ACTC1: variants seen among roughly 807,000 people sequenced by gnomAD.
The protein encoded by ACTC1 is actin alpha cardiac muscle 1, also known as actin, alpha cardiac muscle 1.
In ACTC1, 10 loss-of-function variants were observed where a neutral mutation model predicts 31.6. The ratio of observed to expected loss-of-function variants is 0.32; its 90% CI spans 0.19 to 0.54. The LOEUF (loss-of-function observed/expected upper bound fraction) is 0.54. Ranked by LOEUF, ACTC1 falls within the 20% of genes least tolerant of loss-of-function variation. The pLI is 0.95. For synonymous variants in ACTC1, 196 were observed against 185.0 expected (o/e 1.06, Z -0.48); for missense variants, 129 against 506.4 (o/e 0.25, Z 7.15).
Position 34,790,230 on chromosome 15 carries a change from T to G in ACTC1, c.*182A>C. 1.3e-6 allele frequency: 1 copy of G among 790,960 alleles called. No individual in the cohort carries two copies. The highest frequency in any genetic ancestry group is 1.6e-5 in the South Asian group (1 of 61,118). The allele number at this position is 790,960 out of a possible 1,614,324, so 49.0% of individuals were successfully genotyped here. A position where few individuals can be genotyped will look rare whatever the true frequency, so the allele number is the denominator to read the frequency against. On this transcript the variant is annotated 3_prime_UTR_variant, in exon 7 of 7. Coordinates refer to ENST00000290378, the MANE Select transcript of ACTC1 (RefSeq NM_005159.5). ...CCCAAAAACAAACGAGAGGCTTTTA[T>G]AGGTTGCAAGTCCTGGTCTGGTTTA...
chr15:34,793,439 A>T lies in ACTC1; in HGVS notation c.260T>A (p.Ile87Asn). 1 of 1,614,130 alleles carries T rather than the reference A, an allele frequency of 6.2e-7. No homozygotes were observed. Among genetic ancestry groups the T allele is most frequent in the Non-Finnish European group, 8.5e-7 (1 of 1,180,020 alleles). ...IITNWDDMEK[I>N]WHHTFYNELR... ...CTCATTGTAGAAGGTGTGGTGCCAG[A>T]TCTTCTCCATGTCGTCCCAGTTGGT... is the stretch of plus-strand genomic sequence containing the variant. The change falls in exon 3 of 7, where the codon ATC becomes AAC. Residue 87 changes from isoleucine to asparagine, a missense_variant. Transcript: ENST00000290378. This position sits in a 1 kb window ranked among gnomAD's most constrained non-coding sequence, Gnocchi z 4.8.
chr15:34,791,306 G>GCC lies in ACTC1; in HGVS notation c.809-12_809-11insGG, dbSNP rs774238821. 10 of 1,430,130 alleles carry GCC rather than the reference G, an allele frequency of 7.0e-6. No homozygotes were observed. The highest frequency in any genetic ancestry group is 1.9e-4 in the Middle Eastern group (1 of 5,310). 88.6% of individuals were successfully genotyped at this position (1,430,130 alleles called of 1,614,324 possible). A position where few individuals can be genotyped will look rare whatever the true frequency, so the allele number is the denominator to read the frequency against. On this transcript the variant is annotated splice_polypyrimidine_tract_variant and intron_variant, in intron 5 of 6. Transcript: ENST00000290378. The stretch of plus-strand genomic sequence containing the variant: ...CAGCAGATTCCATACCTGGGAACGA[G>GCC]TCACACACACACACACACACACACA...
chr15:34,790,390 GT>G lies in ACTC1; in HGVS notation c.*21del. On this transcript the variant is annotated 3_prime_UTR_variant, in exon 7 of 7. Coordinates refer to ENST00000290378, the MANE Select transcript of ACTC1 (RefSeq NM_005159.5). ...ATAATACCGTCATCCTGACTGGAAG[GT>G]AGATGGAGAGAGAAGGCATCTTAGA... The G allele has an allele frequency of 6.2e-7, 1 of 1,612,852 alleles. No homozygotes were observed. The highest frequency in any genetic ancestry group is 1.1e-5 in the South Asian group (1 of 91,022).
At chr15:34,794,443 T>G (rs1445359848) in intron 2 of ACTC1, among the ~76,000 whole-genome samples, 1 of 152,210 alleles carries the variant, frequency 6.6e-6, no homozygotes, top group Non-Finnish European at 1.5e-5. Context: ...GAGAAGCAGG[T>G]GGCTTTCACA....
chr15:34,792,324 A>G lies in ACTC1; in HGVS notation c.617-43T>C. ...ATCACAGTCATGCTCTGAAGCAAGA[A>G]GTCAATTATAGGGAGGTAGGCGGAT... On this transcript the variant is annotated intron_variant, in intron 4 of 6. Coordinates refer to ENST00000290378, the MANE Select transcript of ACTC1 (RefSeq NM_005159.5). The surrounding 1 kb of genome is among the most constrained non-coding windows in gnomAD (Gnocchi z 5.3). 6.2e-7 allele frequency: 1 copy of G among 1,614,088 alleles called. No individual in the cohort carries two copies. The highest frequency in any genetic ancestry group is 8.5e-7 in the Non-Finnish European group (1 of 1,179,920).
intron 5 of ACTC1, chr15:34,791,694 T>C (rs1231292033): frequency 8.8e-6 from 3 of 340,028 alleles, no homozygotes; most frequent in Non-Finnish European, 1.6e-5. Context: ...AGGATATTTG[T>C]TGACATATAA....
Position 34,790,264 on chromosome 15 carries a change from G to C in ACTC1, c.*148C>G. On this transcript the variant is annotated 3_prime_UTR_variant, in exon 7 of 7. Coordinates refer to ENST00000290378, the MANE Select transcript of ACTC1 (RefSeq NM_005159.5). ...AGTCCTGGTCTGGTTTATTTATAAA[G>C]CAATAAATATTAGAAGCACAAACAA... 1 of 1,092,830 alleles carries C rather than the reference G, an allele frequency of 9.2e-7. No individual in the cohort carries two copies. The highest frequency in any genetic ancestry group is 1.3e-5 in the South Asian group (1 of 76,504). The allele number at this position is 1,092,830 out of a possible 1,614,324, so 67.7% of individuals were successfully genotyped here.
In ACTC1 at chr15:34,794,779, C is replaced by G. The variant is rs759084387; in HGVS notation, c.30G>C (p.Leu10=). The G allele has an allele frequency of 2.3e-5, 37 of 1,613,634 alleles. No individual in the cohort carries two copies. Among genetic ancestry groups the G allele is most frequent in the Non-Finnish European group, 3.1e-5 (37 of 1,179,868 alleles). ...CCAGCCCAGAGCCGTTGTCGCACAC[C>G]AGGGCGGTGGTCTCCTCGTCGTCAC... is the stretch of plus-strand genomic sequence containing the variant. MCDDEETTA[L]VCDNGSGLVK... is the part of the protein sequence containing the mutation. Residue 10 remains leucine (L), a synonymous_variant, in exon 2 of 7, where the codon CTG becomes CTC. Coordinates refer to ENST00000290378, the MANE Select transcript of ACTC1 (RefSeq NM_005159.5).
chr15:34,793,617 T>G lies in ACTC1; in HGVS notation c.130-48A>C. On this transcript the variant is annotated intron_variant, in intron 2 of 6. Coordinates refer to ENST00000290378, the MANE Select transcript of ACTC1 (RefSeq NM_005159.5). The surrounding 1 kb of genome is among the most constrained non-coding windows in gnomAD (Gnocchi z 4.8). ...AATCATGCTCTCACCATGTCAGGAA[T>G]ATAATCAGTGTCTTGTCCATTTATA... is the stretch of plus-strand genomic sequence containing the variant. 2 of 1,547,940 alleles carry G rather than the reference T, an allele frequency of 1.3e-6. No individual in the cohort carries two copies. The highest frequency in any genetic ancestry group is 2.3e-5 in the South Asian group (2 of 88,726).
intron 5 of ACTC1, chr15:34,791,638 TAAATC>T (rs1250608443): frequency 1.4e-5 from 5 of 353,520 alleles, no homozygotes; most frequent in Admixed American, 4.2e-5. Context: ...TTTATGGACT[TAAATC>T]AGATCCTGAC....
Position 34,792,014 on chromosome 15 carries a change from C to A in ACTC1, c.808+76G>T, listed in dbSNP as rs3729755. 1.3e-6 allele frequency: 2 copies of A among 1,527,392 alleles called. No homozygotes were observed. Among genetic ancestry groups the A allele is most frequent in the Non-Finnish European group, 1.8e-6 (2 of 1,106,350 alleles). 94.6% of individuals were successfully genotyped at this position (1,527,392 alleles called of 1,614,324 possible). A position where few individuals can be genotyped will look rare whatever the true frequency, so the allele number is the denominator to read the frequency against. On this transcript the variant is annotated intron_variant, in intron 5 of 6. Transcript: ENST00000290378. The surrounding 1 kb of genome is among the most constrained non-coding windows in gnomAD (Gnocchi z 5.3). ...TCTTTTAACTCAAGGGCTTCTTGAG[C>A]CTTCTAGATTTTACTCTGGGAGACC...
chr15:34,795,219 G>A (rs1012521010), intron 1 of ACTC1, among the ~76,000 whole-genome samples: 2 of 152,150 alleles, frequency 1.3e-5, no homozygotes, highest in Non-Finnish European at 2.9e-5. Context: ...GGAGGGGAAA[G>A]CGCACGAGAG....
At position 34,790,488 on chromosome 15, in the gene ACTC1, G is replaced by C; in HGVS notation, c.1058C>G (p.Thr353Ser). 1 of 1,614,176 alleles carries C rather than the reference G, an allele frequency of 6.2e-7. No homozygotes were observed. Among genetic ancestry groups the C allele is most frequent in the South Asian group, 1.1e-5 (1 of 91,076 alleles). ...CTTGCTAATCCACATTTGCTGGAAGGTGGACAGAGAGGCCAGGATGGAGCC... is the reference window on the plus strand; with the variant it reads ...CTTGCTAATCCACATTTGCTGGAAGCTGGACAGAGAGGCCAGGATGGAGCC... ...IGGSILASLS[T>S]FQQMWISKQE... is the part of the protein sequence containing the mutation. The change falls in exon 7 of 7, where the codon ACC becomes AGC. Residue 353 changes from threonine (T) to serine (S), a missense_variant. Thr to Ser is a moderately conservative substitution (Grantham distance 58). Transcript: ENST00000290378.
Position 34,793,235 on chromosome 15 carries a change from C to T in ACTC1, c.454+10G>A. On this transcript the variant is annotated intron_variant, in intron 3 of 6. Transcript: ENST00000290378. The surrounding 1 kb of genome is among the most constrained non-coding windows in gnomAD (Gnocchi z 4.8). Reference sequence around the variant, plus strand: ...GATTCATCAGTAACTGTCCCCAGAGCCCAGCATACCTGTGGTACGGCCAGA... The same window carrying T: ...GATTCATCAGTAACTGTCCCCAGAGTCCAGCATACCTGTGGTACGGCCAGA... The T allele has an allele frequency of 1.2e-6, 2 of 1,613,848 alleles. No individual in the cohort carries two copies. Among genetic ancestry groups the T allele is most frequent in the Non-Finnish European group, 1.7e-6 (2 of 1,179,784 alleles).
intron 6 of ACTC1, 43 bp downstream of exon 6, chr15:34,791,071 A>C (rs1891694297): frequency 6.5e-7 from 1 of 1,544,230 alleles, no homozygotes; most frequent in Admixed American, 1.7e-5. Flanking sequence ...TGCTTAGAAT[A>C]CCAAGACTTG....
chr15:34,794,596 C>T (rs1891774865), intron 2 of ACTC1, 84 bp downstream of exon 2: 2 of 1,504,446 alleles, frequency 1.3e-6, no homozygotes, highest in Admixed American at 4.4e-5. Context: ...GTTCATCGAA[C>T]AAGAGGGTCA....
chr15:34,791,017 A>G, intron 6 of ACTC1, 97 bp downstream of exon 6: 2 of 1,187,532 alleles, frequency 1.7e-6, no homozygotes, highest in African/African-American at 1.5e-5. Flanking sequence ...TTTGTAGGAG[A>G]CAAGAAACTG....
chr15:34,791,338 CACA>C, intron 5 of ACTC1, 43 bp from the exon 6 acceptor site: 1 of 989,398 alleles, frequency 1.0e-6, no homozygotes, highest in Middle Eastern at 2.9e-4. Flanking sequence ...CACACACACA[CACA>C]CACACACACA....
rs183632308 is a variant in ACTC1, at chr15:34,794,637, G to T, written c.129+43C>A. On this transcript the variant is annotated intron_variant, in intron 2 of 6. Coordinates refer to ENST00000290378, the MANE Select transcript of ACTC1 (RefSeq NM_005159.5). ...GAGCCATTTCCTAGATCGCTGGACT[G>T]AAGGGGTCCCGAGTGGGACGGGGGG... 6,023 of 1,599,582 alleles carry T rather than the reference G, an allele frequency of 3.8e-3. 12 individuals carry two copies. The highest frequency in any genetic ancestry group is 4.6e-3 in the Non-Finnish European group (5,387 of 1,171,742).
Sources: allele counts gnomAD v4.1 joint callset (sites outside exome capture counted in the v4.1 genomes callset), GRCh38; gene constraint gnomAD v4.1.1; non-coding constraint Gnocchi (gnomAD v3.1); transcripts MANE v1.5; gene names NCBI Gene and HGNC (gene_info 2026-07-23, HGNC 2026-07-21).